Variants in AOPEP observed in about 807,000 individuals in gnomAD.
AOPEP encodes the protein aminopeptidase O (putative), also known as aminopeptidase O.
Under a neutral mutation model 98.1 loss-of-function variants are expected in AOPEP, and 77 were observed. That is an observed-to-expected ratio of 0.78 (90% CI 0.65 to 0.95). AOPEP has a LOEUF of 0.95. Among genes scored for constraint, AOPEP ranks in the 40% least tolerant of loss-of-function variants. The pLI, the probability that AOPEP is intolerant of heterozygous loss-of-function variation, is 0.00. For synonymous variants in AOPEP, 346 were observed against 365.3 expected (o/e 0.95, Z 0.60); for missense variants, 1,024 against 1,024.7 (o/e 1.00, Z 0.01).
chr9:94,953,466 C>T, intron 7 of AOPEP, among the ~76,000 whole-genome samples: 1 of 152,112 alleles, frequency 6.6e-6, no homozygotes, highest in Admixed American at 6.6e-5. Flanking sequence ...ATCCTGTTTG[C>T]TAAAATGGAA....
chr9:95,110,547 T>G, the AOPEP span: 1 of 1,032,216 alleles, frequency 9.7e-7, no homozygotes, highest in Non-Finnish European at 1.2e-6. Context: ...TGATCCAAAA[T>G]AAATTATCAC....
intron 5 of AOPEP, among the ~76,000 whole-genome samples, chr9:94,841,622 T>C (rs1481466605): frequency 6.6e-6 from 1 of 152,228 alleles, no homozygotes; most frequent in Non-Finnish European, 1.5e-5. Context: ...TACCTTTCTA[T>C]TATTGATTTT....
intron 12 of AOPEP, 82 bp from the exon 13 acceptor site, chr9:95,005,460 G>T: frequency 2.2e-6 from 3 of 1,347,242 alleles, no homozygotes; most frequent in Non-Finnish European, 2.1e-6. Flanking sequence ...CGCGAGGCCG[G>T]GGGTCTCTGC....
chr9:94,842,000 C>G (rs972626436), intron 5 of AOPEP, among the ~76,000 whole-genome samples: 1 of 152,138 alleles, frequency 6.6e-6, no homozygotes, highest in African/African-American at 2.4e-5. Context: ...CTGCAATGAG[C>G]TATGGTTGTG....
At chr9:95,078,659 C>T (rs2069358671) in intron 14 of AOPEP, among the ~76,000 whole-genome samples, 1 of 152,258 alleles carries the variant, frequency 6.6e-6, no homozygotes, top group Non-Finnish European at 1.5e-5. Flanking sequence ...GCCATCTCGC[C>T]AGACCACACC....
downstream of AOPEP, among the ~76,000 whole-genome samples, chr9:95,089,625 CA>C: frequency 6.6e-6 from 1 of 152,200 alleles, no homozygotes; most frequent in Non-Finnish European, 1.5e-5. Flanking sequence ...ACTCAGCAGC[CA>C]AGACTTGAGA....
chr9:94,854,502 A>G (rs1031320540), intron 5 of AOPEP, among the ~76,000 whole-genome samples: 1 of 152,220 alleles, frequency 6.6e-6, no homozygotes. Context: ...GGCAGAGACC[A>G]TCTTCTGGTT....
At chr9:94,801,073 T>C (rs1172710580) in intron 5 of AOPEP, 71 bp downstream of exon 5, 1 of 1,553,388 alleles carries the variant, frequency 6.4e-7, no homozygotes, top group Non-Finnish European at 8.9e-7. Context: ...TTGCTTTCCT[T>C]GAGCTCTGTC....
At chr9:94,781,568 T>C (rs1215297493) in intron 3 of AOPEP, among the ~76,000 whole-genome samples, 5 of 151,294 alleles carry the variant, frequency 3.3e-5, no homozygotes, top group Non-Finnish European at 5.9e-5. Flanking sequence ...TTTTAATTAA[T>C]TAATTTTTTT....
intron 13 of AOPEP, among the ~76,000 whole-genome samples, chr9:95,054,098 T>A (rs950630479): frequency 6.6e-6 from 1 of 152,224 alleles, no homozygotes; most frequent in Non-Finnish European, 1.5e-5. Flanking sequence ...TTCTGATACT[T>A]TAAAGTATTC....
In AOPEP at chr9:94,980,329, C is replaced by G. The variant is rs552726527; in HGVS notation, c.1977+902C>G. 2.2e-4 allele frequency among the ~76,000 whole-genome samples: 34 copies of G among 152,360 alleles called. No homozygotes were observed. The highest frequency in any genetic ancestry group is 7.9e-4 in the African/African-American group (33 of 41,594). Reference sequence around the variant, plus strand: ...CCCCCAGAGCGGCTGCAGGCTGGGCCTGACCCAGGGTCATGGGCCTTGGCA... The same window carrying G: ...CCCCCAGAGCGGCTGCAGGCTGGGCGTGACCCAGGGTCATGGGCCTTGGCA... On this transcript the variant is annotated intron_variant, in intron 11 of 16. Coordinates refer to ENST00000375315, the MANE Select transcript of AOPEP (RefSeq NM_001193329.3). This position sits in a 1 kb window ranked among gnomAD's most constrained non-coding sequence, Gnocchi z 4.3.
At chr9:95,111,163 C>T in the AOPEP span, 7 of 1,535,526 alleles carry the variant, frequency 4.6e-6, no homozygotes, top group Non-Finnish European at 6.1e-6. Context: ...GGACGCGACC[C>T]TGGGGCAGAT....
intron 8 of AOPEP, 75 bp from the exon 9 acceptor site, chr9:94,955,833 A>G (rs2137981196): frequency 1.0e-6 from 1 of 967,856 alleles, no homozygotes; most frequent in Non-Finnish European, 1.6e-6. Context: ...TGGGTTAGGT[A>G]GGGCTGACTA....
chr9:94,837,615 C>A (rs1272927966), intron 5 of AOPEP, among the ~76,000 whole-genome samples: 2 of 152,158 alleles, frequency 1.3e-5, no homozygotes, highest in African/African-American at 4.8e-5. Context: ...ATACGCAAGT[C>A]AATAAATGTG....
intron 16 of AOPEP, chr9:95,085,171 A>G (rs1294395551): frequency 2.2e-6 from 1 of 452,094 alleles, no homozygotes; most frequent in Non-Finnish European, 4.7e-6. Context: ...CTTCCGCGGA[A>G]GCCCAGTGTG....
At chr9:94,769,233 C>T (rs1224345968) in intron 2 of AOPEP, among the ~76,000 whole-genome samples, 1 of 152,208 alleles carries the variant, frequency 6.6e-6, no homozygotes, top group Non-Finnish European at 1.5e-5. Context: ...GAGGATAAAA[C>T]CTTCACACTG....
rs201770998 is a variant in AOPEP at position 94,773,099 on chromosome 9, C to T, written c.895C>T (p.Arg299Ter). 32 of 1,614,108 alleles carry T rather than the reference C, an allele frequency of 2.0e-5. No homozygotes were observed. The highest frequency in any genetic ancestry group is 5.3e-5 in the African/African-American group (4 of 75,010). Residue 299 changes from arginine to a stop codon, truncating the protein, a stop_gained, in exon 3 of 17, where the codon CGA (arginine) becomes TGA (stop). Transcript: ENST00000375315. LOFTEE classifies it high-confidence loss of function. ...CATGTCAACATGGCAGGCTACAGTT[C>T]GAGCAGCTGCATCTTTTGTTGTTTT... ...VAMSTWQATV[R>*]AAASFVVLMS... is the part of the protein sequence containing the mutation.
chr9:95,137,816 C>T, the AOPEP span, among the ~76,000 whole-genome samples: 8 of 152,268 alleles, frequency 5.3e-5, no homozygotes, highest in African/African-American at 7.2e-5. Flanking sequence ...AAGCAGAGGA[C>T]GCGTCATCAG....
At chr9:95,098,558 G>A in the AOPEP span, among the ~76,000 whole-genome samples, 1 of 152,108 alleles carries the variant, frequency 6.6e-6, no homozygotes, top group Non-Finnish European at 1.5e-5. Flanking sequence ...GGGAGTGCTG[G>A]AAACCCCACT....
Sources: allele counts gnomAD v4.1 joint callset (sites outside exome capture counted in the v4.1 genomes callset), GRCh38; gene constraint gnomAD v4.1.1; non-coding constraint Gnocchi (gnomAD v3.1); transcripts MANE v1.5; gene names NCBI Gene and HGNC (gene_info 2026-07-23, HGNC 2026-07-21).